Variants in KNOP1 observed in about 807,000 individuals in gnomAD.
KNOP1 encodes lysine-rich nucleolar protein 1.
KNOP1 carries 20 observed loss-of-function variants against 30.6 expected under a neutral mutation model. The observed-to-expected ratio is 0.65, with a 90% CI of 0.46 to 0.95. KNOP1 has a LOEUF of 0.95. KNOP1 is among the 40% of genes least tolerant of loss of function. The probability of loss-of-function intolerance (pLI) is 0.00; values close to 1 mark genes in which losing one functional copy is unlikely to be tolerated. For synonymous variants in KNOP1, 204 were observed against 210.0 expected (o/e 0.97, Z 0.25); for missense variants, 540 against 562.0 (o/e 0.96, Z 0.40).
intron 4 of KNOP1, chr16:19,710,175 C>A: frequency 2.6e-6 from 1 of 378,368 alleles, no homozygotes; most frequent in Non-Finnish European, 5.0e-6. Flanking sequence ...TAGCAGCCCT[C>A]CAAAGGCATC....
intron 1 of KNOP1, 171 bp downstream of exon 1, chr16:19,717,987 A>T (rs1362993741): frequency 7.7e-7 from 1 of 1,300,894 alleles, no homozygotes; most frequent in Admixed American, 3.7e-5. Context: ...CTGAGGCGGG[A>T]AAACTTTCTG....
intron 1 of KNOP1, 52 bp from the exon 2 acceptor site, chr16:19,715,089 A>C (rs1281311333): frequency 7.4e-7 from 1 of 1,352,658 alleles, no homozygotes; most frequent in African/African-American, 1.5e-5. Flanking sequence ...CCTGTGTTCA[A>C]TTCTACTAAG....
Position 19,714,383 on chromosome 16 carries a change from ATTTT to A in KNOP1, c.649_652del (p.Lys217SerfsTer41). On this transcript the variant is annotated frameshift_variant, in exon 2 of 5. Transcript: ENST00000219837. LOFTEE classifies it high-confidence loss of function. Reference sequence around the variant, plus strand: ...TGGGAGGGCATCTCCCTCCTGGTGGATTTTTTTTTTCTTCTTCACCTTCCCATTG... The same window carrying A: ...TGGGAGGGCATCTCCCTCCTGGTGGATTTTTTCTTCTTCACCTTCCCATTG... 1 of 1,592,196 alleles carries A rather than the reference ATTTT, an allele frequency of 6.3e-7. No homozygotes were observed. Among genetic ancestry groups the A allele is most frequent in the Non-Finnish European group, 8.6e-7 (1 of 1,165,398 alleles).
Position 19,714,637 on chromosome 16 carries a change from T to C in KNOP1, c.399A>G (p.Pro133=). 6.2e-7 allele frequency: 1 copy of C among 1,614,154 alleles called. No individual in the cohort carries two copies. Among genetic ancestry groups the C allele is most frequent in the Non-Finnish European group, 8.5e-7 (1 of 1,180,008 alleles). The change falls in exon 2 of 5, where the codon CCA becomes CCG. Residue 133 remains proline, a synonymous_variant. Coordinates refer to ENST00000219837, the MANE Select transcript of KNOP1 (RefSeq NM_001012991.3). ...MSHASGVKTS[P]DPRQGEEETR... ...TTTCCTCCTCACCCTGTCTAGGGTC[T>C]GGGGAGGTTTTCACCCCAGAGGCAT...
Position 19,710,534 on chromosome 16 carries a change from T to TC in KNOP1, c.1039dup (p.Glu347GlyfsTer4). 1.2e-6 allele frequency: 2 copies of TC among 1,612,734 alleles called. No individual in the cohort carries two copies. Among genetic ancestry groups the TC allele is most frequent in the Non-Finnish European group, 1.7e-6 (2 of 1,180,028 alleles). ...CGTCCACTTCCTGGTTTCAGAAGCT[T>TC]CCGTTTTGCCTGACTCGCGATCGAT... On this transcript the variant is annotated frameshift_variant, in exon 4 of 5. Coordinates refer to ENST00000219837, the MANE Select transcript of KNOP1 (RefSeq NM_001012991.3). LOFTEE classifies it high-confidence loss of function.
chr16:19,710,421 C>T lies in KNOP1; in HGVS notation c.1065+88G>A, dbSNP rs773910344. 2.3e-6 allele frequency: 3 copies of T among 1,327,738 alleles called. No individual in the cohort carries two copies. The South Asian group carries it at 3.5e-5, about 16-fold the overall frequency. The allele number at this position is 1,327,738 out of a possible 1,614,324, so 82.2% of individuals were successfully genotyped here. A position where few individuals can be genotyped will look rare whatever the true frequency, so the allele number is the denominator to read the frequency against. The stretch of plus-strand genomic sequence containing the variant: ...CTGGGGCCTGGACATACTTGGTTCT[C>T]CTGCTCCACTCCTCATGCTGGAGGC... On this transcript the variant is annotated intron_variant, in intron 4 of 4. Coordinates refer to ENST00000219837, the MANE Select transcript of KNOP1 (RefSeq NM_001012991.3).
intron 1 of KNOP1, 120 bp from the exon 2 acceptor site, chr16:19,715,157 A>C: frequency 1.5e-6 from 1 of 653,524 alleles, no homozygotes; most frequent in Non-Finnish European, 2.5e-6. Context: ...GGACAGGGAA[A>C]ATGGACATGA....
At chr16:19,713,975 TG>T in intron 2 of KNOP1, 142 bp downstream of exon 2, 1 of 767,468 alleles carries the variant, frequency 1.3e-6, no homozygotes, top group African/African-American at 1.7e-5. Context: ...CTCCCTATTC[TG>T]GCTGAAATTA....
At chr16:19,708,400 C>T (rs566429796) in intron 4 of KNOP1, among the ~76,000 whole-genome samples, 39 of 152,218 alleles carry the variant, frequency 2.6e-4, no homozygotes, top group African/African-American at 8.4e-4. Context: ...CAGGCAGCCC[C>T]GGGAGGAAGC....
intron 1 of KNOP1, among the ~76,000 whole-genome samples, chr16:19,715,757 A>T (rs759249033): frequency 1.4e-4 from 21 of 152,090 alleles, no homozygotes; most frequent in Admixed American, 3.9e-4. Flanking sequence ...GTTGATTGCC[A>T]ACACTGAATG....
rs1976371307 is a variant in KNOP1 at position 19,706,771 on chromosome 16, C to T, written c.*139G>A. ...AGTGTTCCATTACTGGAACGCTAAG[C>T]TTATGGGAGTTATTTATATCTTACT... is the stretch of plus-strand genomic sequence containing the variant. On this transcript the variant is annotated 3_prime_UTR_variant, in exon 5 of 5. Transcript: ENST00000219837. 1 of 853,932 alleles carries T rather than the reference C, an allele frequency of 1.2e-6. No homozygotes were observed. The highest frequency in any genetic ancestry group is 2.3e-5 in the Admixed American group (1 of 43,290). The allele number at this position is 853,932 out of a possible 1,614,324, so 52.9% of individuals were successfully genotyped here. A position where few individuals can be genotyped will look rare whatever the true frequency, so the allele number is the denominator to read the frequency against.
At chr16:19,713,930 T>G (rs1976849054) in intron 2 of KNOP1, among the ~76,000 whole-genome samples, 188 bp downstream of exon 2, 1 of 152,176 alleles carries the variant, frequency 6.6e-6, no homozygotes, top group Non-Finnish European at 1.5e-5. Flanking sequence ...TGAAGCTAGT[T>G]AACCATAACC....
In KNOP1 at chr16:19,706,924, T is replaced by C; in HGVS notation, c.1363A>G (p.Lys455Glu). Reference sequence around the variant, plus strand: ...AACTCTAGAGTTTAATCTTCCAGCTTGACTGACTTGGAAGCGTTCCTGTCA... The same window carrying C: ...AACTCTAGAGTTTAATCTTCCAGCTCGACTGACTTGGAAGCGTTCCTGTCA... ...YIDRNASKSV[K>E]LED is the part of the protein sequence containing the mutation. The change falls in exon 5 of 5, where the codon AAG becomes GAG. Residue 455 changes from lysine to glutamate, a missense_variant. Physicochemically the swap from Lys to Glu is moderately conservative, Grantham distance 56 (BLOSUM62 1). Transcript: ENST00000219837. 6.2e-7 allele frequency: 1 copy of C among 1,612,516 alleles called. No homozygotes were observed. The highest frequency in any genetic ancestry group is 8.5e-7 in the Non-Finnish European group (1 of 1,179,972).
chr16:19,717,695 G>A (rs1400520503), intron 1 of KNOP1: 1 of 986,128 alleles, frequency 1.0e-6, no homozygotes, highest in Non-Finnish European at 1.2e-6. Flanking sequence ...TAAATTCCAG[G>A]GACAGCCTTG....
intron 1 of KNOP1, 153 bp from the exon 2 acceptor site, chr16:19,715,190 A>C (rs1261130173): frequency 1.8e-6 from 1 of 545,082 alleles, no homozygotes; most frequent in Admixed American, 3.7e-5. Context: ...AAAAAAAGAA[A>C]TACTACAGAA....
At chr16:19,707,920 T>A (rs1597461384) in intron 4 of KNOP1, among the ~76,000 whole-genome samples, 2 of 22,358 alleles carry the variant, frequency 8.9e-5, no homozygotes, top group Non-Finnish European at 8.0e-5. Flanking sequence ...CTCCCCCACC[T>A]CCCTACATAG....
At chr16:19,709,213 C>A (rs1976578879) in intron 4 of KNOP1, among the ~76,000 whole-genome samples, 1 of 152,138 alleles carries the variant, frequency 6.6e-6, no homozygotes, top group Non-Finnish European at 1.5e-5. Context: ...GGTACCTGGC[C>A]AGAGTCCCAC....
In KNOP1 at chr16:19,702,756, G is replaced by T. The variant is rs1976212752; in HGVS notation, c.*4154C>A. The T allele has an allele frequency of 6.6e-6, 1 of 152,148 alleles. No homozygotes were observed. The highest frequency in any genetic ancestry group is 2.4e-5 in the African/African-American group (1 of 41,434). The allele number at this position is 152,148 out of a possible 1,614,324, so 9.4% of individuals were successfully genotyped here. ...GCCTGTAATACCAACACTTTGGGAG[G>T]CTGAGGTAGGTGGATCATGAGGCCA... On this transcript the variant is annotated 3_prime_UTR_variant, in exon 5 of 5. Coordinates refer to ENST00000219837, the MANE Select transcript of KNOP1 (RefSeq NM_001012991.3).
intron 1 of KNOP1, 161 bp from the exon 2 acceptor site, chr16:19,715,198 G>C: frequency 1.9e-6 from 1 of 524,884 alleles, no homozygotes; most frequent in Non-Finnish European, 3.3e-6. Context: ...AAATACTACA[G>C]AAACAGCGTA....
Sources: gnomAD v4.1 joint callset for allele counts (sites outside exome capture counted in the v4.1 genomes callset) on GRCh38, gnomAD v4.1.1 for gene constraint, MANE v1.5 for transcripts, NCBI Gene and HGNC (gene_info 2026-07-23, HGNC 2026-07-21) for gene names.